ACOXL: variants seen among roughly 807,000 people sequenced by gnomAD.
The protein encoded by ACOXL is acyl-coenzyme A oxidase-like protein.
In ACOXL, 70 loss-of-function variants were observed where a neutral mutation model predicts 71.9. That is an observed-to-expected ratio of 0.97 (90% confidence interval 0.80 to 1.19). The LOEUF (loss-of-function observed/expected upper bound fraction) is 1.19. ACOXL is among the 50% of genes most tolerant of loss of function. ACOXL has a pLI of 0.00. For synonymous variants in ACOXL, 253 were observed against 281.6 expected, an observed-to-expected ratio of 0.90 and a Z score of 1.02; for missense variants, 703 against 736.3, an observed-to-expected ratio of 0.95 and a Z score of 0.52.
intron 10 of ACOXL, among the ~76,000 whole-genome samples, chr2:110,860,759 A>C (rs1693847742): frequency 6.6e-6 from 1 of 152,182 alleles, no homozygotes; most frequent in African/African-American, 2.4e-5. Context: ...GTTCATGTCT[A>C]GGTGATCTGC....
chr2:110,795,110 C>T (rs554924570), intron 5 of ACOXL, among the ~76,000 whole-genome samples: 72 of 152,290 alleles, frequency 4.7e-4, no homozygotes, highest in Middle Eastern at 3.4e-3. Context: ...AGCACGTGCC[C>T]GAGCGTGGCT....
intron 14 of ACOXL, among the ~76,000 whole-genome samples, chr2:111,026,141 A>G (rs886556748): frequency 2.0e-5 from 3 of 152,106 alleles, no homozygotes; most frequent in African/African-American, 7.2e-5. Flanking sequence ...TTACCCCAAT[A>G]CCGTACTGTT....
chr2:111,062,468 C>T (rs1418391059), intron 16 of ACOXL, among the ~76,000 whole-genome samples: 1 of 152,056 alleles, frequency 6.6e-6, no homozygotes, highest in Non-Finnish European at 1.5e-5. Flanking sequence ...CATATAGGAT[C>T]TATGGACATT....
chr2:110,785,239 A>G (rs747858269), intron 3 of ACOXL, among the ~76,000 whole-genome samples: 1 of 152,198 alleles, frequency 6.6e-6, no homozygotes, highest in Admixed American at 6.5e-5. Context: ...ACATAGGGTC[A>G]TGAGAACCCT....
intron 11 of ACOXL, among the ~76,000 whole-genome samples, chr2:110,920,707 CT>C (rs2060033887): frequency 6.6e-6 from 1 of 151,750 alleles, no homozygotes; most frequent in Admixed American, 6.6e-5. Context: ...TTAGAATCAT[CT>C]TGTTAATCTC....
intron 16 of ACOXL, among the ~76,000 whole-genome samples, chr2:111,078,507 G>T (rs2067723333): frequency 6.6e-6 from 1 of 152,026 alleles, no homozygotes; most frequent in Non-Finnish European, 1.5e-5. Context: ...CAAGTGATCT[G>T]CCCACCTCAG....
chr2:110,961,702 G>C (rs1285559001), intron 12 of ACOXL, among the ~76,000 whole-genome samples: 1 of 152,192 alleles, frequency 6.6e-6, no homozygotes, highest in Non-Finnish European at 1.5e-5. Flanking sequence ...ACCTGAGACT[G>C]GGTAATTATT....
At chr2:111,003,550 C>CAAAAAAAAAAAAAAAAAAAAAAA (rs548001377) in intron 14 of ACOXL, among the ~76,000 whole-genome samples, 4 of 35,338 alleles carry the variant, frequency 1.1e-4, no homozygotes, top group East Asian at 6.1e-4. Flanking sequence ...GACTCTGTCT[C>CAAAAAAAAAAAAAAAAAAAAAAA]AAAAAAAAAA....
chr2:111,021,781 A>G (rs528163219), intron 14 of ACOXL, among the ~76,000 whole-genome samples: 70 of 152,336 alleles, frequency 4.6e-4, no homozygotes, highest in African/African-American at 1.6e-3. Context: ...TTAACCCAGG[A>G]AACAAGAGAG....
chr2:110,947,560 T>C (rs1166536095), intron 12 of ACOXL, among the ~76,000 whole-genome samples: 1 of 152,136 alleles, frequency 6.6e-6, no homozygotes, highest in Admixed American at 6.5e-5. Context: ...TCCTTTCCCT[T>C]TTGCTGGTTG....
At chr2:110,914,722 G>C (rs1273100075) in intron 11 of ACOXL, among the ~76,000 whole-genome samples, 1 of 152,174 alleles carries the variant, frequency 6.6e-6, no homozygotes, top group Non-Finnish European at 1.5e-5. Flanking sequence ...TTGAGTAGCA[G>C]TGGTGAGATG....
intron 10 of ACOXL, among the ~76,000 whole-genome samples, chr2:110,858,853 A>G (rs1412059725): frequency 3.3e-5 from 5 of 152,028 alleles, no homozygotes; most frequent in Non-Finnish European, 5.9e-5. Flanking sequence ...GGTTTAAAAG[A>G]CCCCTCTTCC....
intron 10 of ACOXL, among the ~76,000 whole-genome samples, chr2:110,903,624 A>G (rs2059332743): frequency 6.6e-6 from 1 of 152,246 alleles, no homozygotes; most frequent in Non-Finnish European, 1.5e-5. Context: ...TTAAAGGAAA[A>G]TAGTAACCCA....
intron 16 of ACOXL, among the ~76,000 whole-genome samples, chr2:111,052,571 G>T (rs145004037): frequency 6.6e-6 from 1 of 152,160 alleles, no homozygotes; most frequent in Non-Finnish European, 1.5e-5. Flanking sequence ...GTTATCAGGA[G>T]TTGCCTCTCA....
intron 15 of ACOXL, among the ~76,000 whole-genome samples, chr2:111,045,824 G>GA (rs2065992198): frequency 2.0e-5 from 3 of 152,204 alleles, no homozygotes; most frequent in Admixed American, 2.0e-4. Flanking sequence ...CATCTGTGTA[G>GA]AAAGGGCTGT....
intron 10 of ACOXL, chr2:110,886,790 C>T: frequency 6.4e-7 from 1 of 1,551,038 alleles, no homozygotes; most frequent in Non-Finnish European, 8.7e-7. Context: ...GGTCCAGAAT[C>T]ATCTCCCAGA....
At chr2:110,917,580 A>C (rs1015169247) in intron 11 of ACOXL, among the ~76,000 whole-genome samples, 1 of 152,230 alleles carries the variant, frequency 6.6e-6, no homozygotes, top group Admixed American at 6.5e-5. Flanking sequence ...AAAGAAATAA[A>C]GGGTATTCAA....
chr2:110,921,089 GAT>G (rs2060049655), intron 11 of ACOXL, among the ~76,000 whole-genome samples: 1 of 151,924 alleles, frequency 6.6e-6, no homozygotes, highest in Admixed American at 6.5e-5. Context: ...AATTTATGGC[GAT>G]AGTGTTGGTT....
chr2:110,845,915 C>T (rs940062201), intron 10 of ACOXL, among the ~76,000 whole-genome samples: 1 of 152,180 alleles, frequency 6.6e-6, no homozygotes, highest in South Asian at 2.1e-4. Flanking sequence ...ATCTCTTTGA[C>T]ACCCTGCTTT....
Sources: gnomAD v4.1 joint callset for allele counts (sites outside exome capture counted in the v4.1 genomes callset) on GRCh38, gnomAD v4.1.1 for gene constraint, MANE v1.5 for transcripts, NCBI Gene and HGNC (gene_info 2026-07-23, HGNC 2026-07-21) for gene names.